The following MCFD2 variants were observed in gnomAD, a reference collection of about 807,000 sequenced individuals.
The protein encoded by MCFD2 is multiple coagulation factor deficiency 2, ER cargo receptor complex subunit, also known as multiple coagulation factor deficiency protein 2.
In MCFD2, 11 loss-of-function variants were observed where a neutral mutation model predicts 12.8. The observed-to-expected ratio is 0.86, with a 90% confidence interval of 0.54 to 1.42. The LOEUF (loss-of-function observed/expected upper bound fraction) is 1.42. MCFD2 is among the 40% of genes most tolerant of loss of function. MCFD2 has a pLI of 0.00. For missense variants in MCFD2, 191 were observed against 178.6 expected (o/e 1.07, Z -0.40); for synonymous variants, 70 against 68.1 (o/e 1.03, Z -0.14).
At chr2:46,918,355 C>T (rs905392952), upstream of MCFD2, among the ~76,000 whole-genome samples, 1 of 152,148 alleles carries the variant, frequency 6.6e-6, no homozygotes, top group African/African-American at 2.4e-5. Flanking sequence ...GACTTCTTTC[C>T]ACCTCCACTA....
chr2:46,918,386 G>A (rs138759685), upstream of MCFD2, among the ~76,000 whole-genome samples: 124 of 152,312 alleles, frequency 8.1e-4, no homozygotes, highest in African/African-American at 2.8e-3. Flanking sequence ...TCCAGTAGTA[G>A]ATGATGCTGC....
In MCFD2 at chr2:46,909,054, C is replaced by A. The variant is rs1450160438; in HGVS notation, c.118G>T (p.Gly40Cys). The A allele has an allele frequency of 1.2e-6, 2 of 1,614,214 alleles. No homozygotes were observed. The highest frequency in any genetic ancestry group is 1.7e-6 in the Non-Finnish European group (2 of 1,180,052). ...TCGTGCACTGTGTTCTTATCCAGGC[C>A]CATGCTGCCGGGTTGGGAGAAGCTG... ...AASFSQPGSM[G>C]LDKNTVHDQE... Residue 40 changes from glycine to cysteine, a missense_variant, in exon 2 of 4, where the codon GGC (glycine) becomes TGC (cysteine). Gly to Cys is a radical substitution (Grantham distance 159, BLOSUM62 -3). Coordinates refer to ENST00000319466, the MANE Select transcript of MCFD2 (RefSeq NM_139279.6).
At chr2:46,931,305 C>T (rs1244546072) in intron 1 of MCFD2, among the ~76,000 whole-genome samples, 1 of 152,224 alleles carries the variant, frequency 6.6e-6, no homozygotes, top group East Asian at 1.9e-4. Flanking sequence ...AGGCTAGTCT[C>T]GAACTCCTGG....
chr2:46,924,654 T>C (rs1328448454), intron 1 of MCFD2, among the ~76,000 whole-genome samples: 3 of 152,000 alleles, frequency 2.0e-5, no homozygotes, highest in African/African-American at 7.2e-5. Flanking sequence ...GGAGATAGGG[T>C]CTTGCTCTGT....
At chr2:46,928,457 A>C (rs1669516751) in intron 1 of MCFD2, among the ~76,000 whole-genome samples, 2 of 133,228 alleles carry the variant, frequency 1.5e-5, no homozygotes, top group African/African-American at 3.3e-5. Flanking sequence ...GGAAAGGGAA[A>C]TTAAAAAAAA....
At chr2:46,922,740 C>A (rs1200513358) in intron 1 of MCFD2, among the ~76,000 whole-genome samples, 3 of 151,836 alleles carry the variant, frequency 2.0e-5, no homozygotes, top group Non-Finnish European at 2.9e-5. Flanking sequence ...TGGGGAGGGG[C>A]GGGGGGCTCT....
At chr2:46,934,646 G>C (rs1669874274) in intron 1 of MCFD2, among the ~76,000 whole-genome samples, 1 of 151,862 alleles carries the variant, frequency 6.6e-6, no homozygotes, top group Non-Finnish European at 1.5e-5. Context: ...CCCCTCATAG[G>C]TTGCAGTAAG....
At position 46,937,080 on chromosome 2, in the gene MCFD2, T is replaced by G. The variant is rs1670016660; in HGVS notation, c.-8+4492A>C. On this transcript the variant is annotated intron_variant, in intron 1 of 2. Transcript: ENST00000409147. This position sits in a 1 kb window ranked among gnomAD's most constrained non-coding sequence, Gnocchi z 4.0. ...CATATTGCCCAGGCTCGTCTCGAAC[T>G]CCTGAGCTCAAGTGATCTGCCCACC... Among the ~76,000 whole-genome samples the G allele has an allele frequency of 6.6e-6, 1 of 152,108 alleles. No individual in the cohort carries two copies. The highest frequency in any genetic ancestry group is 2.4e-5 in the African/African-American group (1 of 41,424).
intron 1 of MCFD2, among the ~76,000 whole-genome samples, chr2:46,928,780 AG>A (rs1347749834): frequency 6.6e-6 from 1 of 151,982 alleles, no homozygotes; most frequent in African/African-American, 2.4e-5. Flanking sequence ...AAAAAAAAAA[AG>A]TCCCACGTTT....
At chr2:46,905,826 G>T (rs1668203386) in intron 3 of MCFD2, 1 of 617,718 alleles carries the variant, frequency 1.6e-6, no homozygotes. Flanking sequence ...ATGTATTATT[G>T]AGTCAATTTA....
At chr2:46,936,420 CT>C (rs1669982008) in intron 1 of MCFD2, among the ~76,000 whole-genome samples, 1 of 152,096 alleles carries the variant, frequency 6.6e-6, no homozygotes, top group African/African-American at 2.4e-5. Flanking sequence ...CTTATTTTGT[CT>C]TTAAGAGTTT....
chr2:46,905,584 T>C lies in MCFD2; in HGVS notation c.320A>G (p.Glu107Gly). 2 of 1,613,792 alleles carry C rather than the reference T, an allele frequency of 1.2e-6. No homozygotes were observed. Among genetic ancestry groups the C allele is most frequent in the Non-Finnish European group, 1.7e-6 (2 of 1,179,838 alleles). ...ATCTTCACTCATTAGTGGTGCCTGTTCACTCCCTTCCTACAAAATACAAAT... is the reference window on the plus strand; with the variant it reads ...ATCTTCACTCATTAGTGGTGCCTGTCCACTCCCTTCCTACAAAATACAAAT... Reference protein sequence around the residue: ...ITHVHKEEGSEQAPLMSEDEL... With the variant: ...ITHVHKEEGSGQAPLMSEDEL... Residue 107 changes from glutamate (E) to glycine (G), a missense_variant, in exon 4 of 4, where the codon GAA (glutamate) becomes GGA (glycine). Coordinates refer to ENST00000319466, the MANE Select transcript of MCFD2 (RefSeq NM_139279.6).
rs566566563 is a variant in MCFD2, at chr2:46,929,220, A to G, written c.-8+12352T>C. Among the ~76,000 whole-genome samples, 98 of 152,220 alleles carry G rather than the reference A, an allele frequency of 6.4e-4. No individual in the cohort carries two copies. In the Middle Eastern group the frequency reaches 0.01, roughly 16 times the overall value. Reference sequence around the variant, plus strand: ...ACTTCTAGGCTGGGTACAGTGGCTCATGCATGTAATCCTAGCACTTTGGGA... The same window carrying G: ...ACTTCTAGGCTGGGTACAGTGGCTCGTGCATGTAATCCTAGCACTTTGGGA... On this transcript the variant is annotated intron_variant, in intron 1 of 2. Transcript: ENST00000409147.
chr2:46,908,839 A>G lies in MCFD2; in HGVS notation c.149+184T>C. On this transcript the variant is annotated intron_variant, in intron 2 of 3. Coordinates refer to ENST00000319466, the MANE Select transcript of MCFD2 (RefSeq NM_139279.6). This position sits in a 1 kb window ranked among gnomAD's most constrained non-coding sequence, Gnocchi z 4.5. ...TGGGCCTAAAGATCTTCCACCTGTG[A>G]TACAATGATGAAAAAAGAATACCTG... is the stretch of plus-strand genomic sequence containing the variant. The G allele has an allele frequency of 1.3e-6, 1 of 772,036 alleles. No homozygotes were observed. Among genetic ancestry groups the G allele is most frequent in the Non-Finnish European group, 2.1e-6 (1 of 472,054 alleles). The allele number at this position is 772,036 out of a possible 1,614,324, so 47.8% of individuals were successfully genotyped here.
rs1668339908 is a variant in MCFD2 at position 46,908,471 on chromosome 2, C to T, written c.150-502G>A. On this transcript the variant is annotated intron_variant, in intron 2 of 3. Coordinates refer to ENST00000319466, the MANE Select transcript of MCFD2 (RefSeq NM_139279.6). The surrounding 1 kb of genome is among the most constrained non-coding windows in gnomAD (Gnocchi z 4.5). ...TAGAGACAGGTTTTCCCTATATTGC[C>T]TAGGCTGGTCTCGAATTCCTGGGCT... The T allele has an allele frequency of 3.7e-6, 1 of 266,694 alleles. No individual in the cohort carries two copies. Among genetic ancestry groups the T allele is most frequent in the African/African-American group, 2.3e-5 (1 of 43,804 alleles). The allele number at this position is 266,694 out of a possible 1,614,324, so 16.5% of individuals were successfully genotyped here. A position where few individuals can be genotyped will look rare whatever the true frequency, so the allele number is the denominator to read the frequency against.
upstream of MCFD2, chr2:46,917,162 A>C (rs966112575): frequency 4.3e-6 from 3 of 695,128 alleles, no homozygotes; most frequent in Non-Finnish European, 7.9e-6. Flanking sequence ...ATAATCCCTA[A>C]TTTTTTTTTC....
At chr2:46,915,126 TC>T (rs944160870) in intron 1 of MCFD2, among the ~76,000 whole-genome samples, 20 of 152,192 alleles carry the variant, frequency 1.3e-4, no homozygotes, top group African/African-American at 4.6e-4. Context: ...ACCGAGGTAG[TC>T]CAGAGAAGAA....
rs1486640101 is a variant in MCFD2, at chr2:46,940,844, G to A, written c.-8+728C>T. On this transcript the variant is annotated intron_variant, in intron 1 of 2. Transcript: ENST00000409147. The surrounding 1 kb of genome is among the most constrained non-coding windows in gnomAD (Gnocchi z 4.7). ...CGGGAGGCTCGCCGTCGGGGTTGGG[G>A]CCTGTCGGCCGGCCTCTCCCCATTT... Among the ~76,000 whole-genome samples, 2 of 152,144 alleles carry A rather than the reference G, an allele frequency of 1.3e-5. No homozygotes were observed. The highest frequency in any genetic ancestry group is 2.4e-5 in the African/African-American group (1 of 41,450).
At chr2:46,919,937 C>T (rs1669011895), upstream of MCFD2, among the ~76,000 whole-genome samples, 1 of 152,220 alleles carries the variant, frequency 6.6e-6, no homozygotes, top group African/African-American at 2.4e-5. Flanking sequence ...CTTTGTATTT[C>T]TCTCTCCCTT....
Sources: allele counts gnomAD v4.1 joint callset (sites outside exome capture counted in the v4.1 genomes callset), GRCh38; gene constraint gnomAD v4.1.1; non-coding constraint Gnocchi (gnomAD v3.1); transcripts MANE v1.5; gene names NCBI Gene and HGNC (gene_info 2026-07-23, HGNC 2026-07-21).